Variants in KLF12 observed in about 807,000 individuals in gnomAD.
KLF12 encodes KLF transcription factor 12, also known as Krueppel-like factor 12.
KLF12 carries 9 observed loss-of-function variants against 37.8 expected under a neutral mutation model. That is an observed-to-expected ratio of 0.24 (90% CI 0.14 to 0.42). KLF12 has a LOEUF of 0.42. Among genes scored for constraint, KLF12 ranks in the 10% least tolerant of loss-of-function variants. The probability of loss-of-function intolerance (pLI) is 1.00; values close to 1 mark genes in which losing one functional copy is unlikely to be tolerated. For synonymous variants in KLF12, 208 were observed against 202.1 expected (o/e 1.03, Z -0.25); for missense variants, 411 against 516.0 (o/e 0.80, Z 1.97).
intron 2 of KLF12, among the ~76,000 whole-genome samples, chr13:73,960,963 T>G (rs1566483491): frequency 6.6e-6 from 1 of 152,094 alleles, no homozygotes; most frequent in Non-Finnish European, 1.5e-5. Flanking sequence ...TATTTATTTT[T>G]TAACTACAGG....
chr13:73,951,034 C>G (rs972422875), intron 2 of KLF12, among the ~76,000 whole-genome samples: 1 of 152,188 alleles, frequency 6.6e-6, no homozygotes, highest in Non-Finnish European at 1.5e-5. Flanking sequence ...TGAGCCTGGG[C>G]AGAAGTGCCA....
chr13:74,033,022 T>TA (rs1351772807), intron 1 of KLF12, among the ~76,000 whole-genome samples: 4 of 152,308 alleles, frequency 2.6e-5, no homozygotes, highest in East Asian at 1.9e-4. Flanking sequence ...ATGGGTGTTA[T>TA]AAAAAATGCC....
intron 3 of KLF12, among the ~76,000 whole-genome samples, chr13:73,924,442 A>G (rs1047076922): frequency 6.6e-6 from 1 of 152,196 alleles, no homozygotes. Flanking sequence ...AGTTGTGATC[A>G]GTGATCTTTG....
intron 6 of KLF12, among the ~76,000 whole-genome samples, chr13:73,716,731 G>A (rs749336294): frequency 1.3e-5 from 2 of 151,782 alleles, no homozygotes; most frequent in Non-Finnish European, 2.9e-5. Context: ...ATATCATTCT[G>A]CAAATTGTTT....
At chr13:73,950,506 G>A (rs552017287) in intron 2 of KLF12, among the ~76,000 whole-genome samples, 2 of 152,274 alleles carry the variant, frequency 1.3e-5, no homozygotes, top group Non-Finnish European at 2.9e-5. Flanking sequence ...CTGAAAAACT[G>A]CACACACTTG....
the KLF12 span, among the ~76,000 whole-genome samples, chr13:74,262,803 GTA>G: frequency 6.6e-5 from 10 of 150,990 alleles, no homozygotes; most frequent in African/African-American, 1.2e-4. Flanking sequence ...CAGAATAATA[GTA>G]TATATATATA....
At chr13:74,102,504 C>G (rs1876413298) in intron 1 of KLF12, among the ~76,000 whole-genome samples, 1 of 151,902 alleles carries the variant, frequency 6.6e-6, no homozygotes, top group African/African-American at 2.4e-5. Context: ...TTGTGACCAG[C>G]CTGGCCAACC....
At chr13:73,758,857 T>C (rs1879360298) in intron 6 of KLF12, among the ~76,000 whole-genome samples, 1 of 152,152 alleles carries the variant, frequency 6.6e-6, no homozygotes, top group South Asian at 2.1e-4. Flanking sequence ...TGAATCTCTC[T>C]TGCTGAAATT....
intron 1 of KLF12, among the ~76,000 whole-genome samples, chr13:74,042,030 G>T (rs1893418242): frequency 6.6e-6 from 1 of 152,146 alleles, no homozygotes; most frequent in African/African-American, 2.4e-5. Flanking sequence ...TCGGCTGGGT[G>T]TAGTGGCTCA....
At chr13:74,054,669 T>C (rs557819150) in intron 1 of KLF12, among the ~76,000 whole-genome samples, 1 of 152,358 alleles carries the variant, frequency 6.6e-6, no homozygotes, top group South Asian at 2.1e-4. Context: ...CCTTTGTTAA[T>C]GCAATTTTTT....
At chr13:74,043,050 TA>T (rs1893449885) in intron 1 of KLF12, among the ~76,000 whole-genome samples, 2 of 152,210 alleles carry the variant, frequency 1.3e-5, no homozygotes, top group African/African-American at 4.8e-5. Flanking sequence ...ACATGATAAA[TA>T]AGATCGGACA....
intron 6 of KLF12, among the ~76,000 whole-genome samples, chr13:73,757,699 C>T (rs1024844079): frequency 6.6e-6 from 1 of 152,108 alleles, no homozygotes; most frequent in Non-Finnish European, 1.5e-5. Context: ...GTATTTCCAG[C>T]AAATGCATGA....
intron 6 of KLF12, among the ~76,000 whole-genome samples, chr13:73,720,404 G>A (rs2137721112): frequency 6.6e-6 from 1 of 152,296 alleles, no homozygotes; most frequent in Middle Eastern, 3.4e-3. Context: ...TACACCAGTA[G>A]AGCATTCTTT....
intron 2 of KLF12, among the ~76,000 whole-genome samples, chr13:73,960,146 C>T (rs1480911663): frequency 6.6e-6 from 1 of 152,038 alleles, no homozygotes; most frequent in African/African-American, 2.4e-5. Context: ...TAATGTCAAA[C>T]AATTGAGAAC....
At chr13:74,155,849 T>C in the KLF12 span, among the ~76,000 whole-genome samples, 1 of 152,288 alleles carries the variant, frequency 6.6e-6, no homozygotes, top group Non-Finnish European at 1.5e-5. Context: ...GTCATCCTGG[T>C]ATTGGGAGGG....
At chr13:73,783,919 C>T (rs989297228) in intron 5 of KLF12, among the ~76,000 whole-genome samples, 1 of 152,126 alleles carries the variant, frequency 6.6e-6, no homozygotes. Context: ...TATATTTCCA[C>T]AGGTACACAT....
At chr13:74,281,132 T>C in the KLF12 span, among the ~76,000 whole-genome samples, 1 of 152,302 alleles carries the variant, frequency 6.6e-6, no homozygotes, top group South Asian at 2.1e-4. Context: ...TTAGATCTCA[T>C]TTTAAAAAGA....
At chr13:74,275,721 A>AG in the KLF12 span, among the ~76,000 whole-genome samples, 2 of 150,018 alleles carry the variant, frequency 1.3e-5, no homozygotes, top group African/African-American at 4.9e-5. Context: ...TTCTAGACAC[A>AG]GGGTCTCACT....
intron 2 of KLF12, among the ~76,000 whole-genome samples, chr13:73,983,807 C>A (rs1891749889): frequency 6.6e-6 from 1 of 152,198 alleles, no homozygotes; most frequent in African/African-American, 2.4e-5. Context: ...GTGGCCTCAA[C>A]CACAACAGAC....
Sources: allele counts gnomAD v4.1 joint callset (sites outside exome capture counted in the v4.1 genomes callset), GRCh38; gene constraint gnomAD v4.1.1; transcripts MANE v1.5; gene names NCBI Gene and HGNC (gene_info 2026-07-23, HGNC 2026-07-21).